LNPEP: variants seen among roughly 807,000 people sequenced by gnomAD.
LNPEP encodes the protein leucyl-cystinyl aminopeptidase.
LNPEP carries 64 observed loss-of-function variants against 120.6 expected under a neutral mutation model. That is an observed-to-expected ratio of 0.53 (90% confidence interval 0.43 to 0.65). LNPEP has a LOEUF of 0.65. Ranked by LOEUF, LNPEP falls within the 30% of genes least tolerant of loss-of-function variation. The pLI is 0.00. For synonymous variants in LNPEP, 435 were observed against 425.4 expected (o/e 1.02, Z -0.28); for missense variants, 1,057 against 1,200.0 (o/e 0.88, Z 1.76).
chr5:97,011,023 G>A, intron 11 of LNPEP: 1 of 985,368 alleles, frequency 1.0e-6, no homozygotes, highest in Non-Finnish European at 1.2e-6. Flanking sequence ...ATTCCCAGCT[G>A]TGTCCCTCCT....
rs144064653 is a variant in LNPEP, at chr5:97,016,842, A to G, written c.2376+1747A>G. Among the ~76,000 whole-genome samples, 169 of 152,278 alleles carry G rather than the reference A, an allele frequency of 1.1e-3. 1 individual carries two copies. Among genetic ancestry groups the G allele is most frequent in the Non-Finnish European group, 1.3e-4 (9 of 67,990 alleles). The stretch of plus-strand genomic sequence containing the variant: ...CTCTTTAGGGCAAACTGGGAATCCA[A>G]TATCGACTTTCTAGTGTTAGTGTAG... On this transcript the variant is annotated intron_variant, in intron 13 of 17. Transcript: ENST00000231368.
intron 1 of LNPEP, among the ~76,000 whole-genome samples, chr5:96,964,052 C>A (rs1053005228): frequency 1.3e-5 from 2 of 152,046 alleles, no homozygotes; most frequent in Non-Finnish European, 2.9e-5. Flanking sequence ...TCTCCCTTGT[C>A]CCCTCCCCAG....
intron 1 of LNPEP, among the ~76,000 whole-genome samples, chr5:96,973,523 T>C (rs1366956230): frequency 1.3e-5 from 2 of 152,154 alleles, no homozygotes; most frequent in Non-Finnish European, 2.9e-5. Context: ...ACTTTTTTCC[T>C]TGTTACTATT....
At chr5:96,974,859 A>T (rs1321777819) in intron 1 of LNPEP, among the ~76,000 whole-genome samples, 1 of 151,830 alleles carries the variant, frequency 6.6e-6, no homozygotes, top group Non-Finnish European at 1.5e-5. Flanking sequence ...GCCACTCCTG[A>T]TTTTCCTACC....
At chr5:97,015,891 T>C (rs1237269821) in intron 13 of LNPEP, among the ~76,000 whole-genome samples, 3 of 152,042 alleles carry the variant, frequency 2.0e-5, no homozygotes, top group African/African-American at 7.2e-5. Context: ...ATTAAATCAT[T>C]TTTTTAACAT....
chr5:96,958,352 C>A, intron 1 of LNPEP: 1 of 410,350 alleles, frequency 2.4e-6, no homozygotes, highest in Non-Finnish European at 3.3e-6. Context: ...TTCAGCTGAT[C>A]TTCTCAGAAT....
At chr5:96,941,951 A>G (rs1448548776) in intron 1 of LNPEP, among the ~76,000 whole-genome samples, 1 of 152,290 alleles carries the variant, frequency 6.6e-6, no homozygotes, top group Admixed American at 6.5e-5. Flanking sequence ...AATGAGCTTC[A>G]GTTGGAGAGC....
intron 1 of LNPEP, among the ~76,000 whole-genome samples, chr5:96,944,269 A>G (rs1210099234): frequency 6.6e-6 from 1 of 152,234 alleles, no homozygotes; most frequent in African/African-American, 2.4e-5. Flanking sequence ...TTCATTGTCA[A>G]TGAAAAGAGT....
chr5:96,970,938 T>C (rs1466376495), intron 1 of LNPEP, among the ~76,000 whole-genome samples: 1 of 152,062 alleles, frequency 6.6e-6, no homozygotes, highest in African/African-American at 2.4e-5. Context: ...TATTTTAACA[T>C]GTATTATTTC....
Position 97,029,512 on chromosome 5 carries a change from C to T in LNPEP, c.*979C>T, listed in dbSNP as rs1254805283. 1 of 152,260 alleles carries T rather than the reference C, an allele frequency of 6.6e-6. No individual in the cohort carries two copies. Among genetic ancestry groups the T allele is most frequent in the East Asian group, 1.9e-4 (1 of 5,338 alleles). The allele number at this position is 152,260 out of a possible 1,614,324, so 9.4% of individuals were successfully genotyped here. The stretch of plus-strand genomic sequence containing the variant: ...AGAAACTTTCTCTCTGAATCATACC[C>T]ATGTGTGAATTTTCATTTTATATGA... On this transcript the variant is annotated 3_prime_UTR_variant, in exon 18 of 18. Transcript: ENST00000231368.
At chr5:96,983,399 C>T (rs1432025288) in intron 2 of LNPEP, among the ~76,000 whole-genome samples, 1 of 152,070 alleles carries the variant, frequency 6.6e-6, no homozygotes, top group Non-Finnish European at 1.5e-5. Context: ...ATCTGCATTT[C>T]TCCTTGTTTC....
At chr5:96,955,855 T>TAAC (rs1789455930) in intron 1 of LNPEP, among the ~76,000 whole-genome samples, 1 of 152,270 alleles carries the variant, frequency 6.6e-6, no homozygotes, top group African/African-American at 2.4e-5. Context: ...TTTTAACTTT[T>TAAC]TAAGAAACTG....
chr5:97,013,523 C>G (rs1013164124), intron 11 of LNPEP, 125 bp from the exon 12 acceptor site: 4 of 487,210 alleles, frequency 8.2e-6, no homozygotes, highest in Non-Finnish European at 7.1e-6. Context: ...TACTTGGAGA[C>G]AGGCATTTTT....
Position 97,006,080 on chromosome 5 carries a change from A to T in LNPEP, c.1793A>T (p.Asn598Ile), listed in dbSNP as rs765669666. 7.0e-7 allele frequency: 1 copy of T among 1,436,856 alleles called. No individual in the cohort carries two copies. The highest frequency in any genetic ancestry group is 2.5e-5 in the Admixed American group (1 of 39,428). The allele number at this position is 1,436,856 out of a possible 1,614,324, so 89.0% of individuals were successfully genotyped here. The stretch of plus-strand genomic sequence containing the variant: ...TATATATATATTTTGTAGGTCACAA[A>T]CCAAACACTAGATGTAAAGAGAATG... Reference protein sequence around the residue: ...DLWDSFNEVTNQTLDVKRMMK... With the variant: ...DLWDSFNEVTIQTLDVKRMMK... The change falls in exon 10 of 18, where the codon AAC (asparagine) becomes ATC (isoleucine). Residue 598 changes from asparagine to isoleucine, a missense_variant. By Grantham distance (149) the Asn-to-Ile change is moderately radical. Transcript: ENST00000231368.
rs571056849 is a variant in LNPEP, at chr5:96,956,869, G to T, written c.19+20695G>T. Among the ~76,000 whole-genome samples the T allele has an allele frequency of 1.3e-5, 2 of 152,054 alleles. 1 individual carries two copies. Among genetic ancestry groups the T allele is most frequent in the South Asian group, 4.1e-4 (2 of 4,822 alleles). ...GTGTTCCTCAAATTGAATCATTTCTGTTAATCTTTAAGTTCACTGACTTTT... is the reference window on the plus strand; with the variant it reads ...GTGTTCCTCAAATTGAATCATTTCTTTTAATCTTTAAGTTCACTGACTTTT... On this transcript the variant is annotated intron_variant, in intron 1 of 17. Coordinates refer to ENST00000231368, the MANE Select transcript of LNPEP (RefSeq NM_005575.3).
In LNPEP at chr5:97,003,696, A is replaced by G. The variant is rs1373699206; in HGVS notation, c.1785+150A>G. 6.8e-6 allele frequency: 3 copies of G among 440,840 alleles called. No individual in the cohort carries two copies. The East Asian group carries it at 1.1e-4, about 16-fold the overall frequency. 27.3% of individuals were successfully genotyped at this position (440,840 alleles called of 1,614,324 possible). On this transcript the variant is annotated intron_variant, in intron 9 of 17. Transcript: ENST00000231368. ...GATGGAGCTTGCTATATAAATATTTATGAATGGAGCACTAAATTTTATGTC... is the reference window on the plus strand; with the variant it reads ...GATGGAGCTTGCTATATAAATATTTGTGAATGGAGCACTAAATTTTATGTC...
At position 96,993,394 on chromosome 5, in the gene LNPEP, G is replaced by A. The variant is rs78983609; in HGVS notation, c.1252+259G>A. On this transcript the variant is annotated intron_variant, in intron 5 of 17. Transcript: ENST00000231368. The stretch of plus-strand genomic sequence containing the variant: ...TGGGAATTTGCTTATGGCTTAGTCT[G>A]CAATTTGACTAATTCTAACTTCCAA... Among the ~76,000 whole-genome samples, 575 of 152,266 alleles carry A rather than the reference G, an allele frequency of 3.8e-3. 3 individuals carry two copies. The highest frequency in any genetic ancestry group is 0.013 in the African/African-American group (546 of 41,562).
At chr5:96,957,302 C>A (rs7716222) in intron 1 of LNPEP, among the ~76,000 whole-genome samples, 61,338 of 152,038 alleles carry the variant, frequency 0.4, 12,456 homozygotes, top group Non-Finnish European at 0.43. Flanking sequence ...TCTGTTTCAC[C>A]ATCTGTGGCC....
intron 1 of LNPEP, among the ~76,000 whole-genome samples, chr5:96,944,224 ATCAATGAAACATCATTACATTG>A (rs1400090433): frequency 1.3e-5 from 2 of 152,220 alleles, no homozygotes; most frequent in East Asian, 1.9e-4. Flanking sequence ...TAGTATATTC[ATCAATGAAACATCATTACATTG>A]TCAATGAAAC....
Sources: gnomAD v4.1 joint callset for allele counts (sites outside exome capture counted in the v4.1 genomes callset) on GRCh38, gnomAD v4.1.1 for gene constraint, MANE v1.5 for transcripts, NCBI Gene and HGNC (gene_info 2026-07-23, HGNC 2026-07-21) for gene names.